The following FNIP2 variants were observed in gnomAD, a reference collection of about 807,000 sequenced individuals.
FNIP2 encodes folliculin-interacting protein 2.
In FNIP2, 32 loss-of-function variants were observed where a neutral mutation model predicts 108.7. The observed-to-expected ratio is 0.29, with a 90% confidence interval of 0.22 to 0.40. The LOEUF is 0.40. Ranked by LOEUF, FNIP2 falls within the 10% of genes least tolerant of loss-of-function variation. The pLI is 1.00. For synonymous variants in FNIP2, 480 were observed against 496.7 expected, an observed-to-expected ratio of 0.97 and a Z score of 0.45; for missense variants, 1,202 against 1,381.6, an observed-to-expected ratio of 0.87 and a Z score of 2.06.
At chr4:158,823,375 C>T (rs1478989439) in intron 1 of FNIP2, among the ~76,000 whole-genome samples, 6 of 152,176 alleles carry the variant, frequency 3.9e-5, no homozygotes, top group Non-Finnish European at 7.3e-5. Context: ...AAGCGATTCT[C>T]CTGCCTCAGC....
chr4:158,875,175 C>T (rs1781198100), intron 14 of FNIP2, among the ~76,000 whole-genome samples: 1 of 151,836 alleles, frequency 6.6e-6, no homozygotes, highest in Non-Finnish European at 1.5e-5. Context: ...CCTTGTCAAT[C>T]CCAGGGGACT....
intron 15 of FNIP2, 55 bp downstream of exon 15, chr4:158,891,701 G>A (rs541068967): frequency 2.9e-5 from 42 of 1,446,236 alleles, no homozygotes; most frequent in East Asian, 1.9e-4. Context: ...TGCTTTTAAC[G>A]ACATTTTGAT....
chr4:158,869,247 C>G lies in FNIP2; in HGVS notation c.2611C>G (p.Pro871Ala). 1 of 1,613,986 alleles carries G rather than the reference C, an allele frequency of 6.2e-7. No individual in the cohort carries two copies. The highest frequency in any genetic ancestry group is 8.5e-7 in the Non-Finnish European group (1 of 1,179,888). Residue 871 changes from proline (P) to alanine (A), a missense_variant, in exon 13 of 17, where the codon CCC (proline) becomes GCC (alanine). Coordinates refer to ENST00000264433, the MANE Select transcript of FNIP2 (RefSeq NM_020840.3). ...TGGCCTCGTGGCTGGTGCGAATATC[C>G]CCTGTGGGGATGACAACAAGAAGGC... ...GPGLVAGANI[P>A]CGDDNKKANF... is the part of the protein sequence containing the mutation.
chr4:158,797,530 T>C (rs533600973), intron 1 of FNIP2, among the ~76,000 whole-genome samples: 24 of 152,102 alleles, frequency 1.6e-4, no homozygotes, highest in Non-Finnish European at 2.9e-4. Flanking sequence ...TGAGACCCCA[T>C]GTCTACAAAA....
chr4:158,811,120 A>G (rs181364491), intron 1 of FNIP2, among the ~76,000 whole-genome samples: 2 of 152,298 alleles, frequency 1.3e-5, no homozygotes, highest in Non-Finnish European at 2.9e-5. Context: ...GGTTATAAAA[A>G]CACCCAAGGT....
intron 14 of FNIP2, among the ~76,000 whole-genome samples, chr4:158,888,061 A>G (rs1578984519): frequency 4.6e-5 from 7 of 152,340 alleles, no homozygotes; most frequent in East Asian, 1.9e-4. Context: ...AATTGTAACT[A>G]AAAGTAGTTG....
At position 158,907,715 on chromosome 4, in the gene FNIP2, T is replaced by C. The variant is rs1729964101; in HGVS notation, c.*3171T>C. On this transcript the variant is annotated 3_prime_UTR_variant, in exon 17 of 17. Coordinates refer to ENST00000264433, the MANE Select transcript of FNIP2 (RefSeq NM_020840.3). ...TGGTAAATGTGAACCATTTGTTTTT[T>C]ATTGTGCTTGGGGGAGAGGGTATTT... 1 of 152,258 alleles carries C rather than the reference T, an allele frequency of 6.6e-6. No individual in the cohort carries two copies. Among genetic ancestry groups the C allele is most frequent in the South Asian group, 2.1e-4 (1 of 4,836 alleles). The allele number at this position is 152,258 out of a possible 1,614,324, so 9.4% of individuals were successfully genotyped here. A position where few individuals can be genotyped will look rare whatever the true frequency, so the allele number is the denominator to read the frequency against.
intron 15 of FNIP2, among the ~76,000 whole-genome samples, chr4:158,894,612 G>A (rs1430671475): frequency 6.6e-6 from 1 of 152,086 alleles, no homozygotes; most frequent in African/African-American, 2.4e-5. Context: ...AGGGTTCAAT[G>A]TAATATGAAT....
chr4:158,827,320 C>CT (rs1180862284), intron 2 of FNIP2, among the ~76,000 whole-genome samples: 3 of 152,316 alleles, frequency 2.0e-5, no homozygotes, highest in Admixed American at 6.5e-5. Flanking sequence ...TCTAGTTGAG[C>CT]AGCTATCACT....
chr4:158,818,459 A>T (rs967327106), intron 1 of FNIP2, among the ~76,000 whole-genome samples: 2 of 152,254 alleles, frequency 1.3e-5, no homozygotes, highest in African/African-American at 4.8e-5. Flanking sequence ...ATAATTCCAA[A>T]ATCCTAAAAT....
chr4:158,831,237 G>C (rs192838352), intron 3 of FNIP2, among the ~76,000 whole-genome samples: 1 of 152,214 alleles, frequency 6.6e-6, no homozygotes, highest in African/African-American at 2.4e-5. Context: ...AAGTCAGGCT[G>C]TGGTAGATTA....
intron 1 of FNIP2, among the ~76,000 whole-genome samples, chr4:158,782,147 A>C (rs1776071665): frequency 6.6e-6 from 1 of 152,046 alleles, no homozygotes; most frequent in South Asian, 2.1e-4. Flanking sequence ...TCTTTACCAA[A>C]AGGTGGAGTT....
At chr4:158,898,216 T>A (rs996065641) in intron 16 of FNIP2, among the ~76,000 whole-genome samples, 4 of 152,212 alleles carry the variant, frequency 2.6e-5, no homozygotes, top group Admixed American at 6.5e-5. Flanking sequence ...TTGGTACCAA[T>A]ACCGTGCTGT....
Position 158,831,952 on chromosome 4 carries a change from A to C in FNIP2, c.473A>C (p.His158Pro). The change falls in exon 4 of 17, where the codon CAC becomes CCC. Residue 158 changes from histidine to proline, a missense_variant. Physicochemically the swap from His to Pro is moderately conservative, Grantham distance 77. Around this residue, in one of 5 missense-constraint regions of FNIP2, gnomAD observed 878 missense variants for 990.3 expected, o/e 0.89. Coordinates refer to ENST00000264433, the MANE Select transcript of FNIP2 (RefSeq NM_020840.3). ...MSYKGSTLKI[H>P]YIRSPPQLMI... ...TACAAAGGCTCCACCTTAAAGATACACTACATACGGTGAGTCTGGGCTTCC... is the reference window on the plus strand; with the variant it reads ...TACAAAGGCTCCACCTTAAAGATACCCTACATACGGTGAGTCTGGGCTTCC... 6.2e-7 allele frequency: 1 copy of C among 1,610,102 alleles called. No homozygotes were observed.
chr4:158,827,242 A>G (rs1160795307), intron 2 of FNIP2, among the ~76,000 whole-genome samples: 3 of 152,214 alleles, frequency 2.0e-5, no homozygotes, highest in African/African-American at 7.2e-5. Flanking sequence ...CCTTTGGTGG[A>G]CAGGAGATGG....
At chr4:158,866,012 G>A (rs1169530991) in intron 12 of FNIP2, among the ~76,000 whole-genome samples, 2 of 150,796 alleles carry the variant, frequency 1.3e-5, no homozygotes, top group African/African-American at 2.4e-5. Context: ...GGTACTTTCC[G>A]ATGGTTCTCA....
chr4:158,895,914 G>T, intron 16 of FNIP2, 49 bp downstream of exon 16: 1 of 1,340,422 alleles, frequency 7.5e-7, no homozygotes, highest in Non-Finnish European at 1.1e-6. Context: ...GGTATCCCTA[G>T]CATTGTACCC....
In FNIP2 at chr4:158,906,004, T is replaced by G. The variant is rs1421670770; in HGVS notation, c.*1460T>G. The stretch of plus-strand genomic sequence containing the variant: ...ACTAGAATGACTTCAGTTTTTTCAT[T>G]TGATAAAAATCAGAACTGCTACCTT... On this transcript the variant is annotated 3_prime_UTR_variant, in exon 17 of 17. Transcript: ENST00000264433. The G allele has an allele frequency of 6.6e-6, 1 of 152,246 alleles. No homozygotes were observed. Among genetic ancestry groups the G allele is most frequent in the Admixed American group, 6.5e-5 (1 of 15,290 alleles). The allele number at this position is 152,246 out of a possible 1,614,324, so 9.4% of individuals were successfully genotyped here.
chr4:158,907,148 T>A lies in FNIP2; in HGVS notation c.*2604T>A, dbSNP rs1253721251. The A allele has an allele frequency of 6.6e-6, 1 of 152,254 alleles. No homozygotes were observed. Among genetic ancestry groups the A allele is most frequent in the Non-Finnish European group, 1.5e-5 (1 of 68,038 alleles). 9.4% of individuals were successfully genotyped at this position (152,254 alleles called of 1,614,324 possible). A position where few individuals can be genotyped will look rare whatever the true frequency, so the allele number is the denominator to read the frequency against. On this transcript the variant is annotated 3_prime_UTR_variant, in exon 17 of 17. Coordinates refer to ENST00000264433, the MANE Select transcript of FNIP2 (RefSeq NM_020840.3). ...CTCTTTCTAGCATGTTGCAGTTTTA[T>A]TTTTAATAAATTGGTAAGTGAAATG...
Sources: gnomAD v4.1 joint callset for allele counts (sites outside exome capture counted in the v4.1 genomes callset) on GRCh38, gnomAD v4.1.1 for gene constraint, gnomAD v4.1.1 regional missense constraint, MANE v1.5 for transcripts, NCBI Gene and HGNC (gene_info 2026-07-23, HGNC 2026-07-21) for gene names.